The following PTPRS variants were observed in gnomAD, a reference collection of about 807,000 sequenced individuals.
PTPRS encodes the protein receptor-type tyrosine-protein phosphatase S.
Under a neutral mutation model 215.3 loss-of-function variants are expected in PTPRS, and 63 were observed. The ratio of observed to expected loss-of-function variants is 0.29; its 90% CI spans 0.24 to 0.36. The LOEUF (loss-of-function observed/expected upper bound fraction) is 0.36. Ranked by LOEUF, PTPRS falls within the 10% of genes least tolerant of loss-of-function variation. The probability of loss-of-function intolerance (pLI) is 1.00; values close to 1 mark genes in which losing one functional copy is unlikely to be tolerated. For missense variants in PTPRS, 2,258 were observed against 2,825.8 expected, an observed-to-expected ratio of 0.80 and a Z score of 4.56; for synonymous variants, 1,404 against 1,191.4, an observed-to-expected ratio of 1.18 and a Z score of -3.68.
chr19:5,270,175 TC>T (rs1176416774), intron 4 of PTPRS, among the ~76,000 whole-genome samples: 1 of 152,036 alleles, frequency 6.6e-6, no homozygotes, highest in East Asian at 1.9e-4. Flanking sequence ...CCTTCCTCCA[TC>T]CCCCAGCAGG....
intron 16 of PTPRS, among the ~76,000 whole-genome samples, chr19:5,226,572 A>T (rs1032052086): frequency 2.7e-5 from 4 of 148,972 alleles, no homozygotes; most frequent in Admixed American, 2.7e-4. Flanking sequence ...CTCTACTAAA[A>T]ATACCAAAAA....
chr19:5,259,802 T>C (rs1245950794), intron 7 of PTPRS, among the ~76,000 whole-genome samples: 4 of 152,170 alleles, frequency 2.6e-5, no homozygotes, highest in East Asian at 3.9e-4. Context: ...AGAAATGACA[T>C]GGACCCACAG....
chr19:5,218,373 T>G, intron 25 of PTPRS, 47 bp downstream of exon 25: 1 of 1,554,650 alleles, frequency 6.4e-7, no homozygotes, highest in Non-Finnish European at 8.8e-7. Flanking sequence ...TCTCCCCAGC[T>G]ATCTCCCCTG....
intron 12 of PTPRS, among the ~76,000 whole-genome samples, chr19:5,239,404 G>A (rs2043811795): frequency 6.6e-6 from 1 of 151,692 alleles, no homozygotes; most frequent in Non-Finnish European, 1.5e-5. Context: ...CACAGTGACA[G>A]AGATAGAGAC....
At chr19:5,229,222 T>C in intron 16 of PTPRS, 94 bp downstream of exon 16, 1 of 1,262,506 alleles carries the variant, frequency 7.9e-7, no homozygotes, top group Non-Finnish European at 1.0e-6. Flanking sequence ...GAGACCGTTT[T>C]ACTACTGATG....
intron 2 of PTPRS, among the ~76,000 whole-genome samples, chr19:5,277,065 T>TTG (rs1482183296): frequency 6.6e-6 from 1 of 150,832 alleles, no homozygotes; most frequent in African/African-American, 2.4e-5. Context: ...GTGTTTTTTT[T>TTG]TTTTTTTTTT....
intron 14 of PTPRS, 60 bp from the exon 15 acceptor site, chr19:5,229,744 G>T: frequency 9.3e-7 from 1 of 1,070,396 alleles, no homozygotes. Flanking sequence ...GCCCGGCCCT[G>T]CCCCGGGCAG....
In PTPRS at chr19:5,219,969, G is replaced by A. The variant is rs775718402; in HGVS notation, c.3735C>T (p.Phe1245=). ...CGCTCTTCTGAAGCACGGCAAGCAC[G>A]AAGAGGACATAGCGGTGGCCGGGCT... is the stretch of plus-strand genomic sequence containing the variant. ...GLEPGHRYVL[F]VLAVLQKSEP... is the part of the protein sequence containing the mutation. The change falls in exon 22 of 38, where the codon TTC becomes TTT. Residue 1245 remains phenylalanine (F), a synonymous_variant. Coordinates refer to ENST00000262963, the MANE Select transcript of PTPRS (RefSeq NM_002850.4). 8.7e-6 allele frequency: 14 copies of A among 1,613,834 alleles called. No homozygotes were observed. The highest frequency in any genetic ancestry group is 2.7e-5 in the African/African-American group (2 of 74,946).
intron 1 of PTPRS, among the ~76,000 whole-genome samples, chr19:5,305,369 G>A (rs2049447546): frequency 6.6e-6 from 1 of 151,802 alleles, no homozygotes; most frequent in Non-Finnish European, 1.5e-5. Flanking sequence ...AACACAGCGA[G>A]ACCCTGTCTC....
intron 2 of PTPRS, among the ~76,000 whole-genome samples, chr19:5,275,265 C>T (rs927033383): frequency 6.6e-6 from 1 of 151,716 alleles, no homozygotes; most frequent in Non-Finnish European, 1.5e-5. Context: ...AGAGATGGGG[C>T]TTTACCATGT....
At chr19:5,285,766 T>C (rs1320217392) in intron 2 of PTPRS, among the ~76,000 whole-genome samples, 3 of 152,214 alleles carry the variant, frequency 2.0e-5, no homozygotes, top group Admixed American at 1.3e-4. Context: ...AATTAGTGCT[T>C]AGCATGGAGC....
At chr19:5,331,969 A>G (rs187710763) in intron 1 of PTPRS, among the ~76,000 whole-genome samples, 1 of 152,184 alleles carries the variant, frequency 6.6e-6, no homozygotes, top group East Asian at 1.9e-4. Context: ...TCTTAAACCC[A>G]TTTCACAGGC....
In PTPRS at chr19:5,338,060, C is replaced by T. The variant is rs916286980; in HGVS notation, c.-95+2604G>A. Among the ~76,000 whole-genome samples, 1 of 152,126 alleles carries T rather than the reference C, an allele frequency of 6.6e-6. No homozygotes were observed. Among genetic ancestry groups the T allele is most frequent in the African/African-American group, 2.4e-5 (1 of 41,442 alleles). ...CCTGCCAACCAGTAGCACCCTCCAG[C>T]GCCTCAGCCGGGCCACGCCAAAATG... On this transcript the variant is annotated intron_variant, in intron 1 of 37. Transcript: ENST00000262963. This position sits in a 1 kb window ranked among gnomAD's most constrained non-coding sequence, Gnocchi z 4.2.
chr19:5,267,032 C>T (rs762879662), intron 4 of PTPRS, among the ~76,000 whole-genome samples: 14 of 152,276 alleles, frequency 9.2e-5, no homozygotes, highest in South Asian at 2.1e-4. Flanking sequence ...TAGCACCCAG[C>T]GCAGAACCGG....
chr19:5,207,957 G>C lies in PTPRS; in HGVS notation c.5743C>G (p.Leu1915Val). The part of the protein sequence containing the change: ...VVDIFQTVKM[L>V]RTQRPAMVQT... ...ACCATGGCCGGCCGCTGGGTTCGTA[G>C]CATCTTCACCGTCTGAAAGATGTCC... The change falls in exon 37 of 38, where the codon CTA becomes GTA. Residue 1915 changes from leucine (L) to valine (V), a missense_variant. This residue lies in a region of PTPRS where 89 missense variants were observed against 104.0 expected (regional missense o/e 0.86). Transcript: ENST00000262963. The C allele has an allele frequency of 6.2e-7, 1 of 1,614,054 alleles. No homozygotes were observed. Among genetic ancestry groups the C allele is most frequent in the Non-Finnish European group, 8.5e-7 (1 of 1,180,016 alleles).
intron 16 of PTPRS, among the ~76,000 whole-genome samples, chr19:5,226,495 C>T (rs2042510021): frequency 6.6e-6 from 1 of 151,902 alleles, no homozygotes; most frequent in South Asian, 2.1e-4. Context: ...CTTTGGGAGG[C>T]CAAGGCAGGA....
At chr19:5,304,319 A>T (rs962701905) in intron 1 of PTPRS, among the ~76,000 whole-genome samples, 3 of 152,046 alleles carry the variant, frequency 2.0e-5, no homozygotes, top group African/African-American at 7.2e-5. Flanking sequence ...AATAAGAAAT[A>T]AAAAAATAAA....
intron 2 of PTPRS, among the ~76,000 whole-genome samples, chr19:5,278,864 T>C (rs1353821720): frequency 6.6e-6 from 1 of 151,916 alleles, no homozygotes; most frequent in African/African-American, 2.4e-5. Context: ...GGTAATAAAG[T>C]GTCGCAAATG....
At chr19:5,336,433 GT>G (rs1489436200) in intron 1 of PTPRS, among the ~76,000 whole-genome samples, 1 of 151,844 alleles carries the variant, frequency 6.6e-6, no homozygotes, top group Non-Finnish European at 1.5e-5. Flanking sequence ...CTCTCTCCGT[GT>G]CCCCCTTCCT....
Sources: gnomAD v4.1 joint callset for allele counts (sites outside exome capture counted in the v4.1 genomes callset) on GRCh38, gnomAD v4.1.1 for gene constraint, gnomAD v4.1.1 regional missense constraint, Gnocchi (gnomAD v3.1) non-coding constraint, MANE v1.5 for transcripts, NCBI Gene and HGNC (gene_info 2026-07-23, HGNC 2026-07-21) for gene names.